DSCAM: variants seen among roughly 807,000 people sequenced by gnomAD.
The protein encoded by DSCAM is cell adhesion molecule DSCAM.
DSCAM carries 47 observed loss-of-function variants against 217.7 expected under a neutral mutation model. The observed-to-expected ratio is 0.22, with a 90% confidence interval of 0.17 to 0.28. DSCAM has a LOEUF of 0.28. Among genes scored for constraint, DSCAM ranks in the 10% least tolerant of loss-of-function variants. The pLI is 1.00. For synonymous variants in DSCAM, 1,056 were observed against 1,015.3 expected, an observed-to-expected ratio of 1.04 and a Z score of -0.76; for missense variants, 2,080 against 2,618.3, an observed-to-expected ratio of 0.79 and a Z score of 4.49.
At chr21:40,629,263 T>C (rs981491622) in intron 3 of DSCAM, among the ~76,000 whole-genome samples, 2 of 152,352 alleles carry the variant, frequency 1.3e-5, no homozygotes, top group African/African-American at 4.8e-5. Context: ...ATTATCCTTA[T>C]ACATTTCTTC....
At chr21:40,545,641 T>C (rs2076576232) in intron 3 of DSCAM, among the ~76,000 whole-genome samples, 1 of 152,062 alleles carries the variant, frequency 6.6e-6, no homozygotes, top group Non-Finnish European at 1.5e-5. Flanking sequence ...CCTGGGACAC[T>C]TGGCAGGGGT....
At chr21:40,498,668 C>CCAT (rs1555846358) in intron 3 of DSCAM, among the ~76,000 whole-genome samples, 7 of 28,524 alleles carry the variant, frequency 2.5e-4, no homozygotes, top group African/African-American at 7.4e-4. Context: ...TATATATACC[C>CCAT]ATATATATAT....
intron 20 of DSCAM, among the ~76,000 whole-genome samples, chr21:40,118,297 C>CAATG (rs1408342350): frequency 6.6e-6 from 1 of 152,060 alleles, no homozygotes; most frequent in Non-Finnish European, 1.5e-5. Flanking sequence ...TGAAGCAAGG[C>CAATG]AATGGCATTG....
intron 3 of DSCAM, among the ~76,000 whole-genome samples, chr21:40,406,480 C>T (rs2075280582): frequency 6.6e-6 from 1 of 152,170 alleles, no homozygotes; most frequent in Non-Finnish European, 1.5e-5. Context: ...GCAATGAAAT[C>T]GTGCCATTTG....
chr21:40,188,408 G>A (rs1470802670), intron 12 of DSCAM, among the ~76,000 whole-genome samples: 7 of 152,098 alleles, frequency 4.6e-5, no homozygotes, highest in Non-Finnish European at 8.8e-5. Flanking sequence ...CTGGGGGCCC[G>A]CAAGACTCGC....
At chr21:40,515,884 A>G (rs1374097598) in intron 3 of DSCAM, among the ~76,000 whole-genome samples, 1 of 152,112 alleles carries the variant, frequency 6.6e-6, no homozygotes, top group Non-Finnish European at 1.5e-5. Context: ...GGTTGTTATG[A>G]CCCACATTCT....
chr21:40,785,066 A>G (rs897810757), intron 1 of DSCAM, among the ~76,000 whole-genome samples: 1 of 152,228 alleles, frequency 6.6e-6, no homozygotes, highest in African/African-American at 2.4e-5. Flanking sequence ...ATGATTCTGC[A>G]CTAAAAGCTT....
rs957274416 is a variant in DSCAM at position 40,423,999 on chromosome 21, C to T, written c.509-54754G>A. On this transcript the variant is annotated intron_variant, in intron 3 of 32. Transcript: ENST00000400454. ...TTCTCTTTTTATATATAGCTAATAT[C>T]GGTTTTCCACTTTAATAAATAAGCT... Among the ~76,000 whole-genome samples, 12 of 152,144 alleles carry T rather than the reference C, an allele frequency of 7.9e-5. No individual in the cohort carries two copies. In the East Asian group the frequency reaches 1.4e-3, roughly 17 times the overall value.
At chr21:40,270,764 C>G (rs992118445) in intron 11 of DSCAM, among the ~76,000 whole-genome samples, 4 of 151,800 alleles carry the variant, frequency 2.6e-5, no homozygotes, top group African/African-American at 9.7e-5. Flanking sequence ...TTGGGGGCCG[C>G]TTGGGGGCAG....
chr21:40,825,271 TTCCTTCC>T, intron 1 of DSCAM, among the ~76,000 whole-genome samples: 2 of 45,458 alleles, frequency 4.4e-5, no homozygotes, highest in African/African-American at 2.2e-4. Context: ...CTTTCTTTCC[TTCCTTCC>T]TTCCTTCCTT....
chr21:40,709,497 C>T (rs1003966856), intron 1 of DSCAM, among the ~76,000 whole-genome samples: 2 of 152,156 alleles, frequency 1.3e-5, no homozygotes, highest in Non-Finnish European at 2.9e-5. Flanking sequence ...CCTAGTTCCC[C>T]AACCCCAACA....
Position 40,347,950 on chromosome 21 carries a change from A to T in DSCAM, c.935-5T>A, listed in dbSNP as rs764424799. ...TGATGGTGGCTTTCAGTGGCTCTGG[A>T]GGTTTTAGTAAGAGAGAGAGAAAAA... is the stretch of plus-strand genomic sequence containing the variant. On this transcript the variant is annotated splice_polypyrimidine_tract_variant and splice_region_variant and intron_variant, in intron 5 of 32. Transcript: ENST00000400454. 1.2e-6 allele frequency: 2 copies of T among 1,608,444 alleles called. No individual in the cohort carries two copies. Among genetic ancestry groups the T allele is most frequent in the Admixed American group, 1.7e-5 (1 of 59,390 alleles).
chr21:40,349,423 C>T (rs1213509391), intron 5 of DSCAM, among the ~76,000 whole-genome samples: 1 of 152,106 alleles, frequency 6.6e-6, no homozygotes, highest in Non-Finnish European at 1.5e-5. Context: ...CTCTCATCCT[C>T]GCCTTGCTAT....
At chr21:40,663,534 A>C (rs1483932323) in intron 3 of DSCAM, among the ~76,000 whole-genome samples, 1 of 152,128 alleles carries the variant, frequency 6.6e-6, no homozygotes, top group Admixed American at 6.5e-5. Flanking sequence ...TTTTCCTTTG[A>C]GGAGCCATCC....
At chr21:40,531,406 C>T (rs1003718356) in intron 3 of DSCAM, among the ~76,000 whole-genome samples, 3 of 152,360 alleles carry the variant, frequency 2.0e-5, no homozygotes, top group East Asian at 3.9e-4. Context: ...AGCTCCTGCA[C>T]GGTCCTTCTC....
intron 20 of DSCAM, among the ~76,000 whole-genome samples, chr21:40,099,799 G>A (rs2089726930): frequency 6.6e-6 from 1 of 152,148 alleles, no homozygotes; most frequent in Non-Finnish European, 1.5e-5. Context: ...AAGAGGCTGG[G>A]GCAGGAATAA....
At chr21:40,014,075 A>G (rs741800) in intron 32 of DSCAM, among the ~76,000 whole-genome samples, 46,117 of 152,182 alleles carry the variant, frequency 0.3, 7,559 homozygotes, top group Middle Eastern at 0.43. Flanking sequence ...CCACGCAAAC[A>G]TAACCTCAGG....
At chr21:40,584,907 G>C (rs80230887) in intron 3 of DSCAM, among the ~76,000 whole-genome samples, 3,200 of 152,254 alleles carry the variant, frequency 0.021, 115 homozygotes, top group African/African-American at 0.07. Flanking sequence ...GGTCATAAGC[G>C]TGGATCCTTA....
chr21:40,499,895 C>G lies in DSCAM; in HGVS notation c.509-130650G>C, dbSNP rs902042700. Among the ~76,000 whole-genome samples the G allele has an allele frequency of 2.6e-5, 4 of 152,270 alleles. 1 individual carries two copies. The South Asian group carries it at 8.3e-4, about 32-fold the overall frequency. ...TCCTGGGTTCAAGTGATTCTCTTGC[C>G]TCAGCCTCCTGAGTAGCTGGGACTA... On this transcript the variant is annotated intron_variant, in intron 3 of 32. Coordinates refer to ENST00000400454, the MANE Select transcript of DSCAM (RefSeq NM_001389.5).
Sources: gnomAD v4.1 joint callset for allele counts (sites outside exome capture counted in the v4.1 genomes callset) on GRCh38, gnomAD v4.1.1 for gene constraint, MANE v1.5 for transcripts, NCBI Gene and HGNC (gene_info 2026-07-23, HGNC 2026-07-21) for gene names.